The following CNTNAP2 variants were observed in gnomAD, a reference collection of about 807,000 sequenced individuals.
CNTNAP2 encodes contactin-associated protein-like 2.
CNTNAP2 carries 98 observed loss-of-function variants against 155.2 expected under a neutral mutation model. The ratio of observed to expected loss-of-function variants is 0.63; its 90% CI spans 0.54 to 0.75. The LOEUF (loss-of-function observed/expected upper bound fraction) is 0.75, where lower values mean the gene tolerates loss of function less well. Among genes scored for constraint, CNTNAP2 ranks in the 30% least tolerant of loss-of-function variants. The pLI is 0.00. For missense variants in CNTNAP2, 1,727 were observed against 1,688.1 expected (o/e 1.02, Z -0.40); for synonymous variants, 651 against 631.2 (o/e 1.03, Z -0.47).
rs561388164 is a variant in CNTNAP2 at position 147,625,254 on chromosome 7, T to C, written c.1898-13852T>C. 2.6e-5 allele frequency among the ~76,000 whole-genome samples: 4 copies of C among 152,344 alleles called. No homozygotes were observed. In the South Asian group the frequency reaches 6.2e-4, roughly 24 times the overall value. On this transcript the variant is annotated intron_variant, in intron 12 of 23. Coordinates refer to ENST00000361727, the MANE Select transcript of CNTNAP2 (RefSeq NM_014141.6). ...CATTTTAAAATAACTAAAAAGAGTC[T>C]AATTGGATTGTTTGTAACACAAAGC...
At chr7:146,126,687 T>C (rs907540498) in intron 1 of CNTNAP2, among the ~76,000 whole-genome samples, 5 of 152,250 alleles carry the variant, frequency 3.3e-5, no homozygotes, top group African/African-American at 2.4e-5. Flanking sequence ...GGTAATTGTT[T>C]AATCTATAAG....
At chr7:146,238,508 G>A (rs1464519771) in intron 1 of CNTNAP2, among the ~76,000 whole-genome samples, 6 of 151,942 alleles carry the variant, frequency 3.9e-5, no homozygotes, top group Non-Finnish European at 8.8e-5. Context: ...ACCATGGTGA[G>A]GCACAAAAAA....
intron 8 of CNTNAP2, among the ~76,000 whole-genome samples, chr7:147,251,965 A>T (rs1312426259): frequency 2.0e-5 from 3 of 151,116 alleles, no homozygotes; most frequent in South Asian, 2.1e-4. Flanking sequence ...GGGGATTAAT[A>T]AAAAAAAACA....
chr7:147,041,919 T>C (rs1337734500), intron 3 of CNTNAP2, among the ~76,000 whole-genome samples: 1 of 152,224 alleles, frequency 6.6e-6, no homozygotes, highest in Non-Finnish European at 1.5e-5. Flanking sequence ...AGGATTCTAA[T>C]TGTTCTTGCA....
At chr7:146,802,913 A>G (rs1192198415) in intron 2 of CNTNAP2, among the ~76,000 whole-genome samples, 1 of 152,200 alleles carries the variant, frequency 6.6e-6, no homozygotes, top group Non-Finnish European at 1.5e-5. Context: ...GAAGTAAGAG[A>G]TATACTCTGA....
chr7:148,061,878 T>TATAG (rs199822052), intron 15 of CNTNAP2, among the ~76,000 whole-genome samples: 21,976 of 111,398 alleles, frequency 0.2, 2,558 homozygotes, highest in Admixed American at 0.3. Flanking sequence ...GATAAACAGA[T>TATAG]ATAGATAGAT....
chr7:146,210,399 G>T (rs1323059634), intron 1 of CNTNAP2, among the ~76,000 whole-genome samples: 1 of 152,148 alleles, frequency 6.6e-6, no homozygotes, highest in Non-Finnish European at 1.5e-5. Flanking sequence ...CGCCTCCCGG[G>T]TTCAAGTGAT....
rs114624656 is a variant in CNTNAP2 at position 147,035,647 on chromosome 7, T to C, written c.403-8260T>C. Among the ~76,000 whole-genome samples the C allele has an allele frequency of 2.9e-3, 439 of 152,326 alleles. 4 individuals carry two copies. Among genetic ancestry groups the C allele is most frequent in the African/African-American group, 0.01 (416 of 41,572 alleles). On this transcript the variant is annotated intron_variant, in intron 3 of 23. Transcript: ENST00000361727. ...GTTGTCAGTAGCGAAAAGCTCTTCC[T>C]AGATTTAGTTACACAATAGCTAATT...
intron 10 of CNTNAP2, among the ~76,000 whole-genome samples, chr7:147,425,258 C>T (rs1427375876): frequency 6.3e-5 from 3 of 47,486 alleles, no homozygotes; most frequent in African/African-American, 2.7e-4. Flanking sequence ...CACACAATGA[C>T]CATTGCCTTT....
intron 12 of CNTNAP2, among the ~76,000 whole-genome samples, chr7:147,619,355 T>C (rs1801350380): frequency 6.6e-6 from 1 of 152,162 alleles, no homozygotes; most frequent in African/African-American, 2.4e-5. Context: ...CAAAGGAAAA[T>C]CTGTAGAGTG....
At chr7:147,925,293 CACACA>C (rs1563137356) in intron 14 of CNTNAP2, among the ~76,000 whole-genome samples, 3 of 9,672 alleles carry the variant, frequency 3.1e-4, no homozygotes, top group East Asian at 0.011. Flanking sequence ...AGCGCGCGCG[CACACA>C]CACACACACA....
At chr7:146,473,340 G>T (rs1234575484) in intron 1 of CNTNAP2, among the ~76,000 whole-genome samples, 3 of 152,100 alleles carry the variant, frequency 2.0e-5, no homozygotes, top group Non-Finnish European at 4.4e-5. Flanking sequence ...TGTATAAAAA[G>T]ATAAAAAGTC....
At chr7:146,208,018 T>C (rs1287522821) in intron 1 of CNTNAP2, among the ~76,000 whole-genome samples, 1 of 152,066 alleles carries the variant, frequency 6.6e-6, no homozygotes, top group Non-Finnish European at 1.5e-5. Context: ...AACAAAAAGC[T>C]GTTGTAATGT....
intron 13 of CNTNAP2, among the ~76,000 whole-genome samples, chr7:147,867,771 G>C (rs575552775): frequency 6.6e-6 from 1 of 152,060 alleles, no homozygotes; most frequent in South Asian, 2.1e-4. Context: ...GCATCACAAA[G>C]TTCGCGTGCC....
At chr7:147,588,236 A>T (rs1800670662) in intron 12 of CNTNAP2, among the ~76,000 whole-genome samples, 1 of 152,124 alleles carries the variant, frequency 6.6e-6, no homozygotes. Flanking sequence ...CAAAAAACAG[A>T]GAAAGAGGTG....
intron 3 of CNTNAP2, among the ~76,000 whole-genome samples, chr7:146,892,467 G>A (rs533262929): frequency 1.5e-4 from 23 of 152,292 alleles, no homozygotes; most frequent in African/African-American, 5.3e-4. Flanking sequence ...CATAGAATTT[G>A]TAGCCATCTT....
chr7:148,147,363 G>T, intron 16 of CNTNAP2, 128 bp from the exon 17 acceptor site: 1 of 899,832 alleles, frequency 1.1e-6, no homozygotes, highest in South Asian at 1.3e-5. Flanking sequence ...TTTTGCCATC[G>T]ACCTTTGTAG....
intron 1 of CNTNAP2, among the ~76,000 whole-genome samples, chr7:146,698,378 A>G (rs1370565239): frequency 6.6e-6 from 1 of 152,062 alleles, no homozygotes; most frequent in East Asian, 1.9e-4. Flanking sequence ...CATTTTTCTG[A>G]GAAAGTCATT....
At chr7:147,636,084 C>T (rs181876716) in intron 12 of CNTNAP2, among the ~76,000 whole-genome samples, 1 of 152,064 alleles carries the variant, frequency 6.6e-6, no homozygotes, top group Non-Finnish European at 1.5e-5. Context: ...CAGAAAGTGA[C>T]AGAATTACTA....
Sources: allele counts gnomAD v4.1 joint callset (sites outside exome capture counted in the v4.1 genomes callset), GRCh38; gene constraint gnomAD v4.1.1; transcripts MANE v1.5; gene names NCBI Gene and HGNC (gene_info 2026-07-23, HGNC 2026-07-21).